RAB3C: variants seen among roughly 807,000 people sequenced by gnomAD.
The protein encoded by RAB3C is RAB3C, member RAS oncogene family.
Under a neutral mutation model 26.4 loss-of-function variants are expected in RAB3C, and 17 were observed. That is an observed-to-expected ratio of 0.64 (90% confidence interval 0.44 to 0.97). RAB3C has a LOEUF of 0.97. RAB3C is among the 50% of genes least tolerant of loss of function. The probability of loss-of-function intolerance (pLI) is 0.00; values close to 1 mark genes in which losing one functional copy is unlikely to be tolerated. For synonymous variants in RAB3C, 91 were observed against 95.9 expected, an observed-to-expected ratio of 0.95 and a Z score of 0.30; for missense variants, 242 against 281.9, an observed-to-expected ratio of 0.86 and a Z score of 1.01.
intron 3 of RAB3C, among the ~76,000 whole-genome samples, chr5:58,779,796 G>A (rs896643251): frequency 1.3e-5 from 2 of 152,074 alleles, no homozygotes; most frequent in Non-Finnish European, 2.9e-5. Flanking sequence ...ATGTGTTTGG[G>A]AGAATTGAAG....
At chr5:58,650,277 T>C (rs1747616451) in intron 2 of RAB3C, among the ~76,000 whole-genome samples, 2 of 152,064 alleles carry the variant, frequency 1.3e-5, no homozygotes, top group Non-Finnish European at 2.9e-5. Context: ...GCAAGATATA[T>C]ATTTGGGGCT....
chr5:58,731,774 A>G (rs570214827), intron 3 of RAB3C, among the ~76,000 whole-genome samples: 19 of 152,286 alleles, frequency 1.2e-4, no homozygotes. Context: ...TATTGGTCCA[A>G]TGTTCACTTC....
intron 3 of RAB3C, among the ~76,000 whole-genome samples, chr5:58,788,080 C>T (rs564884279): frequency 6.6e-5 from 10 of 152,334 alleles, no homozygotes; most frequent in East Asian, 3.9e-4. Context: ...CCCATGTCAC[C>T]AGTTCACTGT....
intron 3 of RAB3C, among the ~76,000 whole-genome samples, chr5:58,734,226 TC>T (rs1047384415): frequency 2.0e-5 from 3 of 152,086 alleles, no homozygotes; most frequent in Non-Finnish European, 4.4e-5. Context: ...TCTTTTTCTT[TC>T]CCCTCCAAAA....
At chr5:58,761,047 TCC>T (rs1329032763) in intron 3 of RAB3C, among the ~76,000 whole-genome samples, 11 of 138,162 alleles carry the variant, frequency 8.0e-5, no homozygotes, top group Non-Finnish European at 1.4e-4. Context: ...TCTCTCTCTC[TCC>T]CTCTCTCTCT....
chr5:58,718,572 G>T (rs763218726), intron 2 of RAB3C, among the ~76,000 whole-genome samples: 5 of 152,036 alleles, frequency 3.3e-5, no homozygotes, highest in African/African-American at 4.8e-5. Flanking sequence ...AGAAGTGGAT[G>T]CCATTGTAAA....
At chr5:58,740,263 C>A (rs570338206) in intron 3 of RAB3C, among the ~76,000 whole-genome samples, 119 of 152,244 alleles carry the variant, frequency 7.8e-4, no homozygotes, top group Non-Finnish European at 1.5e-3. Flanking sequence ...CACGCCTGGG[C>A]CTGAATGAGG....
At chr5:58,806,249 C>T (rs1187602811) in intron 3 of RAB3C, among the ~76,000 whole-genome samples, 1 of 152,036 alleles carries the variant, frequency 6.6e-6, no homozygotes, top group Non-Finnish European at 1.5e-5. Context: ...AACGTTAGTC[C>T]CATCTCATAG....
intron 3 of RAB3C, among the ~76,000 whole-genome samples, chr5:58,810,387 G>C (rs889244): frequency 0.73 from 102,899 of 140,264 alleles, 37,438 homozygotes; most frequent in Middle Eastern, 0.86. Flanking sequence ...CTCTCTCTCT[G>C]TGTGTGTGTG....
chr5:58,767,723 C>G (rs940923590), intron 3 of RAB3C, among the ~76,000 whole-genome samples: 3 of 152,108 alleles, frequency 2.0e-5, no homozygotes, highest in Non-Finnish European at 4.4e-5. Context: ...AGACAACGGT[C>G]ATATTCATAT....
At position 58,583,200 on chromosome 5, in the gene RAB3C, T is replaced by A; in HGVS notation, c.-9T>A. ...GGTCCTAGCCAGAGAGAAAGGACAT[T>A]TGCCAACAATGAGACACGAAGCGCC... is the stretch of plus-strand genomic sequence containing the variant. On this transcript the variant is annotated 5_prime_UTR_variant, in exon 1 of 5. The change creates a new upstream start codon in the 5' untranslated region. Coordinates refer to ENST00000282878, the MANE Select transcript of RAB3C (RefSeq NM_138453.4). The A allele has an allele frequency of 6.2e-7, 1 of 1,614,170 alleles. No individual in the cohort carries two copies. Among genetic ancestry groups the A allele is most frequent in the South Asian group, 1.1e-5 (1 of 91,088 alleles).
At chr5:58,714,880 A>T (rs1166377971) in intron 2 of RAB3C, among the ~76,000 whole-genome samples, 1 of 152,010 alleles carries the variant, frequency 6.6e-6, no homozygotes, top group East Asian at 1.9e-4. Context: ...ATAGAACAAG[A>T]TAGTAAATAT....
rs1404416424 is a variant in RAB3C, at chr5:58,662,722, A to G, written c.252+44852A>G. On this transcript the variant is annotated intron_variant, in intron 2 of 4. Coordinates refer to ENST00000282878, the MANE Select transcript of RAB3C (RefSeq NM_138453.4). ...TACCACAAGATACCATTTACATGAA[A>G]TTCAAGGACAGACAAAAAGTAAGCT... Among the ~76,000 whole-genome samples the G allele has an allele frequency of 2.7e-5, 4 of 150,294 alleles. 1 individual carries two copies. The highest frequency in any genetic ancestry group is 1.0e-4 in the African/African-American group (4 of 39,622).
At chr5:58,633,645 T>G (rs1747231774) in intron 2 of RAB3C, among the ~76,000 whole-genome samples, 1 of 152,194 alleles carries the variant, frequency 6.6e-6, no homozygotes, top group South Asian at 2.1e-4. Flanking sequence ...TGATTTTTCT[T>G]AACTGCCTCT....
At chr5:58,733,935 G>A (rs1741081714) in intron 3 of RAB3C, among the ~76,000 whole-genome samples, 1 of 152,158 alleles carries the variant, frequency 6.6e-6, no homozygotes, top group South Asian at 2.1e-4. Flanking sequence ...TGTATTTCCT[G>A]TAGAAGAATA....
intron 3 of RAB3C, among the ~76,000 whole-genome samples, chr5:58,783,989 G>A (rs442534): frequency 0.78 from 119,182 of 152,032 alleles, 46,869 homozygotes; most frequent in African/African-American, 0.83. Flanking sequence ...ATCTGTGGGT[G>A]AGCATATGGG....
chr5:58,731,938 G>A (rs1284544396), intron 3 of RAB3C, among the ~76,000 whole-genome samples: 2 of 152,162 alleles, frequency 1.3e-5, no homozygotes, highest in African/African-American at 4.8e-5. Flanking sequence ...TGATAACACA[G>A]GTGATAGTCC....
chr5:58,603,110 T>C (rs1388221287), intron 1 of RAB3C, among the ~76,000 whole-genome samples: 1 of 152,138 alleles, frequency 6.6e-6, no homozygotes, highest in Non-Finnish European at 1.5e-5. Flanking sequence ...TGGCTGATAA[T>C]CGTTTTGTTT....
intron 2 of RAB3C, among the ~76,000 whole-genome samples, chr5:58,695,889 C>T (rs1448874740): frequency 6.6e-6 from 1 of 152,176 alleles, no homozygotes; most frequent in Non-Finnish European, 1.5e-5. Flanking sequence ...TTTACTTCCT[C>T]ATTTCCTAAT....
Sources: gnomAD v4.1 joint callset for allele counts (sites outside exome capture counted in the v4.1 genomes callset) on GRCh38, gnomAD v4.1.1 for gene constraint, MANE v1.5 for transcripts, NCBI Gene and HGNC (gene_info 2026-07-23, HGNC 2026-07-21) for gene names.